Variants in JUP observed in about 807,000 individuals in gnomAD.
JUP encodes the protein catenin (cadherin-associated protein), gamma 80kDa.
JUP carries 28 observed loss-of-function variants against 71.1 expected under a neutral mutation model. That is an observed-to-expected ratio of 0.39 (90% CI 0.29 to 0.54). The LOEUF is 0.54. Ranked by LOEUF, JUP falls within the 20% of genes least tolerant of loss-of-function variation. The pLI is 0.62. For synonymous variants in JUP, 401 were observed against 438.9 expected, an observed-to-expected ratio of 0.91 and a Z score of 1.08; for missense variants, 869 against 1,030.1, an observed-to-expected ratio of 0.84 and a Z score of 2.14.
At chr17:41,772,875 T>A (rs1916876053) in intron 1 of JUP, 2 of 985,344 alleles carry the variant, frequency 2.0e-6, no homozygotes, top group African/African-American at 3.5e-5. Context: ...ACTTCCCGCT[T>A]GGTCTGTGTT....
chr17:41,774,487 C>A (rs578013017), intron 1 of JUP, among the ~76,000 whole-genome samples: 2 of 152,170 alleles, frequency 1.3e-5, no homozygotes, highest in East Asian at 3.9e-4. Flanking sequence ...GTGTGCACCA[C>A]CACGCCTGGC....
At chr17:41,762,522 A>G (rs1555601798) in intron 8 of JUP, among the ~76,000 whole-genome samples, 2 of 151,886 alleles carry the variant, frequency 1.3e-5, no homozygotes, top group Non-Finnish European at 2.9e-5. Flanking sequence ...TCCCCTCCCC[A>G]GTAGCTGGGA....
chr17:41,763,161 T>C lies in JUP; in HGVS notation c.1319A>G (p.His440Arg), dbSNP rs782305614. Residue 440 changes from histidine to arginine, a missense_variant, in exon 8 of 14, where the codon CAT (histidine) becomes CGT (arginine). By Grantham distance (29) the His-to-Arg change is conservative. Transcript: ENST00000393931. ...CTTGTCACCAGCACGCAGGATGGCA[T>C]GGATGAGAGCCTCCACACCGCTGTT... ...TQNSGVEALI[H>R]AILRAGDKDD... is the part of the protein sequence containing the mutation. 3 of 1,614,090 alleles carry C rather than the reference T, an allele frequency of 1.9e-6. No homozygotes were observed. The highest frequency in any genetic ancestry group is 1.3e-5 in the African/African-American group (1 of 74,930).
At chr17:41,762,249 T>G (rs1204173723) in intron 8 of JUP, among the ~76,000 whole-genome samples, 3 of 150,846 alleles carry the variant, frequency 2.0e-5, no homozygotes, top group Admixed American at 2.0e-4. Context: ...TTTTCCAAAT[T>G]TTTTGTAAGA....
intron 8 of JUP, among the ~76,000 whole-genome samples, chr17:41,761,621 A>C (rs886475051): frequency 6.6e-6 from 1 of 151,892 alleles, no homozygotes. Flanking sequence ...AGACCAGCCT[A>C]ACCAACATAG....
chr17:41,778,035 C>G (rs1417197846), intron 1 of JUP, among the ~76,000 whole-genome samples: 2 of 152,168 alleles, frequency 1.3e-5, no homozygotes, highest in African/African-American at 4.8e-5. Context: ...ACGCAAAATA[C>G]ACAAGTACTC....
At chr17:41,763,745 T>C (rs1271415317) in intron 7 of JUP, among the ~76,000 whole-genome samples, 1 of 152,110 alleles carries the variant, frequency 6.6e-6, no homozygotes, top group Non-Finnish European at 1.5e-5. Flanking sequence ...AGCTGAGCCA[T>C]GTCTACTCGC....
chr17:41,758,259 A>C (rs1339591624), intron 10 of JUP, 140 bp downstream of exon 10: 3 of 1,048,566 alleles, frequency 2.9e-6, no homozygotes, highest in Non-Finnish European at 1.4e-6. Context: ...CTAAGTAGTC[A>C]ATCTGGAGTG....
intron 1 of JUP, among the ~76,000 whole-genome samples, chr17:41,773,617 A>ACC (rs1298615993): frequency 6.6e-6 from 1 of 150,532 alleles, no homozygotes; most frequent in Non-Finnish European, 1.5e-5. Flanking sequence ...TTCCACACGC[A>ACC]CCCCTTCCCC....
At chr17:41,759,305 C>A (rs1274327327) in intron 8 of JUP, among the ~76,000 whole-genome samples, 2 of 152,130 alleles carry the variant, frequency 1.3e-5, no homozygotes, top group African/African-American at 2.4e-5. Flanking sequence ...GAACCCCTGA[C>A]CTCAGGTGAT....
chr17:41,765,790 G>T (rs1359264877), intron 5 of JUP, among the ~76,000 whole-genome samples: 2 of 152,194 alleles, frequency 1.3e-5, no homozygotes, highest in African/African-American at 4.8e-5. Context: ...AGTCCTTCTG[G>T]AAATCAATCT....
In JUP at chr17:41,764,989, T is replaced by G. The variant is rs1915476580; in HGVS notation, c.988A>C (p.Thr330Pro). The G allele has an allele frequency of 1.9e-6, 3 of 1,614,002 alleles. No homozygotes were observed. The change falls in exon 6 of 14, where the codon ACC becomes CCC. Residue 330 changes from threonine to proline, a missense_variant. Coordinates refer to ENST00000393931, the MANE Select transcript of JUP (RefSeq NM_002230.4). ...AGCACCTTGAGCACACGACTGGTGG[T>G]CCAGAGCAGCTTTTCATAACTGTAG... The part of the protein sequence containing the change: ...RNYSYEKLLW[T>P]TSRVLKVLSV...
chr17:41,777,732 G>A (rs570872699), intron 1 of JUP, among the ~76,000 whole-genome samples: 1 of 152,314 alleles, frequency 6.6e-6, no homozygotes, highest in South Asian at 2.1e-4. Flanking sequence ...CAGGCCTGCC[G>A]ACCCAGCTGC....
Position 41,771,591 on chromosome 17 carries a change from T to C in JUP, c.208+56A>G. On this transcript the variant is annotated intron_variant, in intron 2 of 13. Transcript: ENST00000393931. Reference sequence around the variant, plus strand: ...ATCTGCCTCCTTTCACTCTGACCTCTCTCCAGGACCCAGGCAGGTTTTCTG... The same window carrying C: ...ATCTGCCTCCTTTCACTCTGACCTCCCTCCAGGACCCAGGCAGGTTTTCTG... 2.0e-6 allele frequency: 3 copies of C among 1,531,564 alleles called. No individual in the cohort carries two copies. The South Asian group carries it at 3.4e-5, about 17-fold the overall frequency. 94.9% of individuals were successfully genotyped at this position (1,531,564 alleles called of 1,614,324 possible).
chr17:41,774,724 A>G (rs1917178091), intron 1 of JUP, among the ~76,000 whole-genome samples: 1 of 152,208 alleles, frequency 6.6e-6, no homozygotes, highest in Admixed American at 6.5e-5. Context: ...CCACTAGACA[A>G]GCCTGGGTGG....
At chr17:41,781,216 G>A (rs1280859660) in intron 1 of JUP, among the ~76,000 whole-genome samples, 9 of 151,554 alleles carry the variant, frequency 5.9e-5, no homozygotes, top group African/African-American at 1.2e-4. Context: ...TTAGCTGGGC[G>A]TACTGGCAGG....
chr17:41,772,793 T>C (rs542936984), intron 1 of JUP: 13 of 985,206 alleles, frequency 1.3e-5, no homozygotes, highest in Non-Finnish European at 1.6e-5. Context: ...AACCCCTCTC[T>C]CTCTCTGCAA....
At chr17:41,773,014 C>A in intron 1 of JUP, 4 of 984,864 alleles carry the variant, frequency 4.1e-6, no homozygotes, top group Non-Finnish European at 4.8e-6. Context: ...GGGCGGGTTT[C>A]AAAGCCCATG....
intron 7 of JUP, 113 bp downstream of exon 7, chr17:41,764,599 GA>G: frequency 1.3e-6 from 1 of 772,864 alleles, no homozygotes; most frequent in South Asian, 1.4e-5. Context: ...CAGTCACAAG[GA>G]AGAGAGATTT....
Sources: gnomAD v4.1 joint callset for allele counts (sites outside exome capture counted in the v4.1 genomes callset) on GRCh38, gnomAD v4.1.1 for gene constraint, MANE v1.5 for transcripts, NCBI Gene and HGNC (gene_info 2026-07-23, HGNC 2026-07-21) for gene names.